Variants in ARHGAP26 observed in about 807,000 individuals in gnomAD.
ARHGAP26 encodes the protein rho GTPase-activating protein 26.
A neutral mutation model predicts 104.8 loss-of-function variants in ARHGAP26; 38 were observed. The ratio of observed to expected loss-of-function variants is 0.36; its 90% CI spans 0.28 to 0.48. ARHGAP26 has a LOEUF of 0.48. Ranked by LOEUF, ARHGAP26 falls within the 20% of genes least tolerant of loss-of-function variation. ARHGAP26 has a pLI of 0.99. For synonymous variants in ARHGAP26, 341 were observed against 340.0 expected (o/e 1.00, Z -0.03); for missense variants, 704 against 947.9 (o/e 0.74, Z 3.38).
At chr5:143,176,800 C>T (rs1803531609) in intron 20 of ARHGAP26, among the ~76,000 whole-genome samples, 1 of 152,124 alleles carries the variant, frequency 6.6e-6, no homozygotes, top group South Asian at 2.1e-4. Flanking sequence ...AAATTTCCAC[C>T]ATAAAAGAGA....
rs577513459 is a variant in ARHGAP26, at chr5:142,928,391, T to G, written c.1029-3656T>G. Among the ~76,000 whole-genome samples, 138 of 152,360 alleles carry G rather than the reference T, an allele frequency of 9.1e-4. 1 individual carries two copies. Among genetic ancestry groups the G allele is most frequent in the Non-Finnish European group, 1.8e-3 (124 of 68,038 alleles). On this transcript the variant is annotated intron_variant, in intron 10 of 22. Transcript: ENST00000645722. ...TAGCTCGTTGCCTAGAGTAGCGTTGTAAGCCCTCATATTTATGAAGCACTT... is the reference window on the plus strand; with the variant it reads ...TAGCTCGTTGCCTAGAGTAGCGTTGGAAGCCCTCATATTTATGAAGCACTT...
intron 14 of ARHGAP26, among the ~76,000 whole-genome samples, chr5:143,049,851 A>G (rs1014898889): frequency 1.3e-5 from 2 of 152,168 alleles, no homozygotes; most frequent in Non-Finnish European, 2.9e-5. Context: ...ACTCCTGGAT[A>G]ATCTGAAGCA....
chr5:142,842,270 T>A (rs897397776), intron 1 of ARHGAP26, among the ~76,000 whole-genome samples: 7 of 152,192 alleles, frequency 4.6e-5, no homozygotes, highest in Non-Finnish European at 7.3e-5. Context: ...TTTCAAGAAT[T>A]TTTTTGTGTT....
intron 1 of ARHGAP26, among the ~76,000 whole-genome samples, chr5:142,862,020 C>T (rs1038010235): frequency 1.4e-4 from 21 of 152,306 alleles, no homozygotes; most frequent in Middle Eastern, 3.4e-3. Flanking sequence ...TGTGACTTTC[C>T]GAATTCACAA....
chr5:142,878,530 T>C (rs990900178), intron 3 of ARHGAP26, among the ~76,000 whole-genome samples: 4 of 135,036 alleles, frequency 3.0e-5, no homozygotes, highest in African/African-American at 1.3e-4. Context: ...TGTATGTGTG[T>C]GTGTGTGCAC....
chr5:143,118,174 C>T (rs564181873), intron 17 of ARHGAP26, among the ~76,000 whole-genome samples: 1 of 152,288 alleles, frequency 6.6e-6, no homozygotes, highest in South Asian at 2.1e-4. Context: ...AAGAACATTT[C>T]AGGCAGAGGA....
intron 10 of ARHGAP26, among the ~76,000 whole-genome samples, chr5:142,917,037 ATTT>A (rs35921990): frequency 5.0e-4 from 68 of 135,390 alleles, no homozygotes; most frequent in Middle Eastern, 3.8e-3. Context: ...AGACTTTGGA[ATTT>A]TTTTTTTTTT....
At chr5:143,030,141 T>A (rs1021886521) in intron 12 of ARHGAP26, among the ~76,000 whole-genome samples, 26 of 152,358 alleles carry the variant, frequency 1.7e-4, no homozygotes, top group African/African-American at 5.5e-4. Context: ...TACTGAAGGT[T>A]GGAGTTGAGC....
chr5:143,183,707 G>A (rs565116646), intron 20 of ARHGAP26, among the ~76,000 whole-genome samples: 4 of 152,300 alleles, frequency 2.6e-5, no homozygotes, highest in East Asian at 3.9e-4. Context: ...GGTTATGGGC[G>A]AAGGCGTACC....
intron 20 of ARHGAP26, among the ~76,000 whole-genome samples, chr5:143,160,858 C>T (rs1801142242): frequency 6.6e-6 from 1 of 152,176 alleles, no homozygotes; most frequent in Non-Finnish European, 1.5e-5. Flanking sequence ...CTCCCTCTCT[C>T]CAGGCTGGCC....
chr5:142,797,857 G>T (rs192146573), intron 1 of ARHGAP26, among the ~76,000 whole-genome samples: 1 of 152,306 alleles, frequency 6.6e-6, no homozygotes. Flanking sequence ...ATTGCCTGGG[G>T]ACCTTGTTAA....
At chr5:143,020,931 C>T (rs1007003487) in intron 12 of ARHGAP26, among the ~76,000 whole-genome samples, 7 of 152,164 alleles carry the variant, frequency 4.6e-5, no homozygotes, top group African/African-American at 1.7e-4. Flanking sequence ...TGAGCCACTG[C>T]ACCTGGCCTA....
chr5:142,993,141 C>T (rs927032057), intron 11 of ARHGAP26, among the ~76,000 whole-genome samples: 25 of 149,012 alleles, frequency 1.7e-4, no homozygotes, highest in African/African-American at 4.9e-4. Flanking sequence ...CCACCATGCC[C>T]GGGTAATTTT....
At position 142,913,401 on chromosome 5, in the gene ARHGAP26, C is replaced by T. The variant is rs1490914996; in HGVS notation, c.1028+108C>T. On this transcript the variant is annotated intron_variant, in intron 10 of 22. Transcript: ENST00000645722. ...TGCTTTTTTCCCCTTCTCCCCCTCC[C>T]TCCTTCCTTTCCTTCTCCCCCTGCC... The T allele has an allele frequency of 2.6e-5, 24 of 932,244 alleles. 1 individual carries two copies. The Admixed American group carries it at 3.8e-4, about 15-fold the overall frequency. The allele number at this position is 932,244 out of a possible 1,614,324, so 57.7% of individuals were successfully genotyped here. A position where few individuals can be genotyped will look rare whatever the true frequency, so the allele number is the denominator to read the frequency against.
At chr5:142,913,432 C>T (rs1227969379) in intron 10 of ARHGAP26, 139 bp downstream of exon 10, 4 of 703,280 alleles carry the variant, frequency 5.7e-6, no homozygotes, top group South Asian at 1.7e-5. Flanking sequence ...CTGCCTCCTT[C>T]CTTTCCTTCT....
chr5:143,034,144 G>A (rs796621188), intron 12 of ARHGAP26, among the ~76,000 whole-genome samples: 28 of 152,236 alleles, frequency 1.8e-4, no homozygotes, highest in African/African-American at 6.0e-4. Flanking sequence ...CGTACATTGC[G>A]GGTAGGAATG....
chr5:142,994,231 G>C (rs1006093030), intron 11 of ARHGAP26, among the ~76,000 whole-genome samples: 1 of 152,206 alleles, frequency 6.6e-6, no homozygotes, highest in African/African-American at 2.4e-5. Context: ...GGCATTGAAG[G>C]ATGTTCACGG....
rs183054424 is a variant in ARHGAP26 at position 142,802,053 on chromosome 5, G to C, written c.154+31138G>C. On this transcript the variant is annotated intron_variant, in intron 1 of 22. Transcript: ENST00000645722. ...TAAATCCCTGGAAGCTCCAGAGGCC[G>C]TGAGAGTTGAGATGAGAGAAACTAT... 1.8e-4 allele frequency among the ~76,000 whole-genome samples: 28 copies of C among 152,286 alleles called. No individual in the cohort carries two copies. In the East Asian group the frequency reaches 5.0e-3, roughly 27 times the overall value.
At chr5:143,072,233 A>G (rs1281963280) in intron 17 of ARHGAP26, among the ~76,000 whole-genome samples, 2 of 152,344 alleles carry the variant, frequency 1.3e-5, no homozygotes, top group Non-Finnish European at 2.9e-5. Context: ...TAGGATGACT[A>G]TTATCAGAAA....
Sources: allele counts gnomAD v4.1 joint callset (sites outside exome capture counted in the v4.1 genomes callset), GRCh38; gene constraint gnomAD v4.1.1; transcripts MANE v1.5; gene names NCBI Gene and HGNC (gene_info 2026-07-23, HGNC 2026-07-21).